STRBP: variants seen among roughly 807,000 people sequenced by gnomAD.
STRBP encodes spermatid perinuclear RNA-binding protein.
In STRBP, 13 loss-of-function variants were observed where a neutral mutation model predicts 80.1. That is an observed-to-expected ratio of 0.16 (90% CI 0.11 to 0.26). The LOEUF (loss-of-function observed/expected upper bound fraction) is 0.26. Among genes scored for constraint, STRBP ranks in the 10% least tolerant of loss-of-function variants. STRBP has a pLI of 1.00. For synonymous variants in STRBP, 284 were observed against 291.2 expected (o/e 0.98, Z 0.25); for missense variants, 485 against 815.2 (o/e 0.59, Z 4.93).
chr9:123,192,194 G>A (rs747514332), intron 2 of STRBP, among the ~76,000 whole-genome samples: 10 of 152,180 alleles, frequency 6.6e-5, no homozygotes, highest in Non-Finnish European at 1.2e-4. Flanking sequence ...TAAGAAGGCA[G>A]CTGGATATGG....
chr9:123,267,110 C>T (rs896775364), intron 1 of STRBP, among the ~76,000 whole-genome samples: 27 of 151,050 alleles, frequency 1.8e-4, no homozygotes, highest in Admixed American at 1.8e-3. Flanking sequence ...AGAACACTTC[C>T]CTTTCCCCAC....
Position 123,169,873 on chromosome 9 carries a change from C to CATATATAT in STRBP, c.535+21_535+28dup, listed in dbSNP as rs59261791. 385 of 992,808 alleles carry CATATATAT rather than the reference C, an allele frequency of 3.9e-4. 1 individual carries two copies. In the African/African-American group the frequency reaches 5.0e-3, roughly 13 times the overall value. The allele number at this position is 992,808 out of a possible 1,614,324, so 61.5% of individuals were successfully genotyped here. On this transcript the variant is annotated intron_variant, in intron 6 of 18. Coordinates refer to ENST00000348403, the MANE Select transcript of STRBP (RefSeq NM_018387.5). ...AACAAACAACAACAACAAATATATA[C>CATATATAT]ATATATATATATATATATACATGTG...
At chr9:123,129,208 T>C (rs1256576864) in intron 17 of STRBP, among the ~76,000 whole-genome samples, 1 of 151,792 alleles carries the variant, frequency 6.6e-6, no homozygotes, top group Non-Finnish European at 1.5e-5. Context: ...AAACAAAAAA[T>C]TAGCTGGGTA....
chr9:123,185,867 TA>T (rs1341158375), intron 2 of STRBP, among the ~76,000 whole-genome samples: 2 of 151,668 alleles, frequency 1.3e-5, no homozygotes, highest in Non-Finnish European at 2.9e-5. Flanking sequence ...ATACAAAAAC[TA>T]AAAATGCAAA....
At chr9:123,131,685 C>T (rs751051960) in intron 17 of STRBP, among the ~76,000 whole-genome samples, 4 of 152,186 alleles carry the variant, frequency 2.6e-5, no homozygotes, top group Non-Finnish European at 5.9e-5. Flanking sequence ...CTCAGTTTCT[C>T]GTTGTTATTA....
At chr9:123,266,944 A>G (rs2041280213) in intron 1 of STRBP, among the ~76,000 whole-genome samples, 1 of 151,456 alleles carries the variant, frequency 6.6e-6, no homozygotes, top group Non-Finnish European at 1.5e-5. Flanking sequence ...ACTGTACTCC[A>G]GACCTGTCCA....
At chr9:123,258,900 A>G (rs117774448) in intron 1 of STRBP, among the ~76,000 whole-genome samples, 3,202 of 152,178 alleles carry the variant, frequency 0.021, 48 homozygotes, top group South Asian at 0.072. Flanking sequence ...ACAGCAAAGA[A>G]GGCATTCGAT....
intron 9 of STRBP, 145 bp from the exon 10 acceptor site, chr9:123,158,574 G>A (rs775764150): frequency 1.2e-5 from 8 of 656,248 alleles, no homozygotes; most frequent in Non-Finnish European, 2.1e-5. Flanking sequence ...TCAGTTAAGT[G>A]GAGTAAAAAG....
chr9:123,262,326 G>C (rs1180153087), intron 1 of STRBP, among the ~76,000 whole-genome samples: 1 of 152,144 alleles, frequency 6.6e-6, no homozygotes, highest in Non-Finnish European at 1.5e-5. Flanking sequence ...ACAATTACTA[G>C]TCACTATATG....
chr9:123,164,138 C>T (rs943752701), intron 6 of STRBP, among the ~76,000 whole-genome samples: 9 of 152,290 alleles, frequency 5.9e-5, no homozygotes, highest in East Asian at 5.8e-4. Context: ...CTCCGCCTCC[C>T]GGGCTCAAGC....
chr9:123,115,825 C>T lies in STRBP; in HGVS notation c.*84+104G>A. The T allele has an allele frequency of 2.8e-6, 1 of 354,812 alleles. No homozygotes were observed. Among genetic ancestry groups the T allele is most frequent in the Non-Finnish European group, 5.5e-6 (1 of 180,420 alleles). 22.0% of individuals were successfully genotyped at this position (354,812 alleles called of 1,614,324 possible). A position where few individuals can be genotyped will look rare whatever the true frequency, so the allele number is the denominator to read the frequency against. Reference sequence around the variant, plus strand: ...GCTCTCTCAAGGCTGCGTCTGTCATCGCGGGAGGTGTATTTTAGCTCAAAT... The same window carrying T: ...GCTCTCTCAAGGCTGCGTCTGTCATTGCGGGAGGTGTATTTTAGCTCAAAT... On this transcript the variant is annotated intron_variant and NMD_transcript_variant, in intron 3 of 3. Coordinates refer to the STRBP transcript ENST00000471564. This position sits in a 1 kb window ranked among gnomAD's most constrained non-coding sequence, Gnocchi z 5.0.
At chr9:123,234,089 T>A (rs1197035682) in intron 2 of STRBP, among the ~76,000 whole-genome samples, 3 of 150,786 alleles carry the variant, frequency 2.0e-5, no homozygotes, top group Admixed American at 6.6e-5. Context: ...TAGTCCCAGC[T>A]ACTCAGGAGG....
intron 1 of STRBP, among the ~76,000 whole-genome samples, chr9:123,251,232 A>AAAGAAG (rs572479962): frequency 6.6e-5 from 10 of 150,684 alleles, no homozygotes; most frequent in Admixed American, 6.6e-4. Flanking sequence ...TCCCTCTCTC[A>AAAGAAG]AAGAAGAAGA....
chr9:123,145,903 T>A (rs971325752), intron 13 of STRBP, among the ~76,000 whole-genome samples: 1 of 152,200 alleles, frequency 6.6e-6, no homozygotes, highest in Non-Finnish European at 1.5e-5. Context: ...TTTTTCTGCA[T>A]GCATTGTTCT....
intron 2 of STRBP, among the ~76,000 whole-genome samples, chr9:123,225,872 C>G (rs541863138): frequency 6.6e-6 from 1 of 152,242 alleles, no homozygotes; most frequent in African/African-American, 2.4e-5. Context: ...TGAAAAAAAG[C>G]TAATAACTTT....
At chr9:123,120,097 T>G (rs552470052), downstream of STRBP, among the ~76,000 whole-genome samples, 1 of 152,210 alleles carries the variant, frequency 6.6e-6, no homozygotes, top group Non-Finnish European at 1.5e-5. Flanking sequence ...GACTCATTCT[T>G]ATATAAGTAC....
chr9:123,225,484 C>T (rs2040206159), intron 2 of STRBP, among the ~76,000 whole-genome samples: 1 of 152,206 alleles, frequency 6.6e-6, no homozygotes, highest in South Asian at 2.1e-4. Context: ...TCTGAATCCT[C>T]TTTCCTATGT....
intron 3 of STRBP, among the ~76,000 whole-genome samples, chr9:123,180,461 A>C (rs1189299299): frequency 6.6e-6 from 1 of 152,202 alleles, no homozygotes; most frequent in African/African-American, 2.4e-5. Context: ...ATACTGCAAA[A>C]TGACAAGCTA....
rs955029398 is a variant in STRBP at position 123,245,388 on chromosome 9, TTTTG to T, written c.-301-8426_-301-8423del. Among the ~76,000 whole-genome samples the T allele has an allele frequency of 9.2e-5, 14 of 152,292 alleles. No individual in the cohort carries two copies. The East Asian group carries it at 1.2e-3, about 13-fold the overall frequency. On this transcript the variant is annotated intron_variant, in intron 1 of 18. Coordinates refer to ENST00000348403, the MANE Select transcript of STRBP (RefSeq NM_018387.5). ...CATCTGTATTTCTTTTTTTTGTTGT[TTTTG>T]TTTGTTTGTTTGTTTGAGACGTTGT... is the stretch of plus-strand genomic sequence containing the variant.
Sources: allele counts gnomAD v4.1 joint callset (sites outside exome capture counted in the v4.1 genomes callset), GRCh38; gene constraint gnomAD v4.1.1; non-coding constraint Gnocchi (gnomAD v3.1); transcripts MANE v1.5; gene names NCBI Gene and HGNC (gene_info 2026-07-23, HGNC 2026-07-21).